The following KCNN3 variants were observed in gnomAD, a reference collection of about 807,000 sequenced individuals.
KCNN3 encodes potassium calcium-activated channel subfamily N member 3, also known as small conductance calcium-activated potassium channel protein 3.
Under a neutral mutation model 62.9 loss-of-function variants are expected in KCNN3, and 16 were observed. That is an observed-to-expected ratio of 0.25 (90% CI 0.17 to 0.39). The LOEUF is 0.39. Among genes scored for constraint, KCNN3 ranks in the 10% least tolerant of loss-of-function variants. The pLI, the probability that KCNN3 is intolerant of heterozygous loss-of-function variation, is 1.00. For missense variants in KCNN3, 599 were observed against 949.4 expected (o/e 0.63, Z 4.85); for synonymous variants, 370 against 389.2 (o/e 0.95, Z 0.58).
chr1:154,859,422 G>A (rs547690498), intron 1 of KCNN3, among the ~76,000 whole-genome samples: 1 of 152,344 alleles, frequency 6.6e-6, no homozygotes, highest in East Asian at 1.9e-4. Flanking sequence ...CCACTAGCAA[G>A]TGTCATCCTC....
chr1:154,725,153 A>G (rs1274384684), intron 5 of KCNN3, among the ~76,000 whole-genome samples: 3 of 152,132 alleles, frequency 2.0e-5, no homozygotes, highest in Non-Finnish European at 4.4e-5. Flanking sequence ...CGCTCCCAGC[A>G]TAGAATGATT....
rs1653097149 is a variant in KCNN3, at chr1:154,869,705, T to C, written c.260A>G (p.Gln87Arg). 2 of 1,514,706 alleles carry C rather than the reference T, an allele frequency of 1.3e-6. No homozygotes were observed. The highest frequency in any genetic ancestry group is 2.4e-5 in the South Asian group (2 of 84,602). The allele number at this position is 1,514,706 out of a possible 1,614,324, so 93.8% of individuals were successfully genotyped here. A position where few individuals can be genotyped will look rare whatever the true frequency, so the allele number is the denominator to read the frequency against. ...QQQQPPHPLS[Q>R]LAQLQSQPVH... Reference sequence around the variant, plus strand: ...GGGCTGGCTCTGGAGTTGGGCGAGCTGAGACAGGGGATGCGGTGGCTGCTG... The same window carrying C: ...GGGCTGGCTCTGGAGTTGGGCGAGCCGAGACAGGGGATGCGGTGGCTGCTG... Residue 87 changes from glutamine to arginine, a missense_variant, in exon 1 of 8, where the codon CAG becomes CGG. This residue lies in a region of KCNN3 where 112 missense variants were observed against 142.9 expected (regional missense o/e 0.78). Coordinates refer to ENST00000271915, the MANE Select transcript of KCNN3 (RefSeq NM_002249.6). This position sits in a 1 kb window ranked among gnomAD's most constrained non-coding sequence, Gnocchi z 6.1.
intron 5 of KCNN3, among the ~76,000 whole-genome samples, chr1:154,721,231 C>T (rs183895303): frequency 1.4e-4 from 21 of 151,864 alleles, no homozygotes; most frequent in South Asian, 4.2e-4. Flanking sequence ...AAAATATCTC[C>T]GGTCCATGGT....
intron 2 of KCNN3, among the ~76,000 whole-genome samples, chr1:154,802,606 T>C (rs1650005655): frequency 6.6e-6 from 1 of 152,144 alleles, no homozygotes; most frequent in South Asian, 2.1e-4. Context: ...TACTCAGTCA[T>C]GGTTTAGGAA....
chr1:154,777,191 C>A (rs1000752718), intron 2 of KCNN3, among the ~76,000 whole-genome samples: 118 of 152,208 alleles, frequency 7.8e-4, no homozygotes, highest in African/African-American at 2.6e-3. Flanking sequence ...CTCTAAGAAG[C>A]CATAATTCTG....
chr1:154,717,550 ATT>A (rs199765246), intron 5 of KCNN3, among the ~76,000 whole-genome samples: 21 of 147,902 alleles, frequency 1.4e-4, no homozygotes, highest in African/African-American at 2.2e-4. Context: ...AGAGCACTGG[ATT>A]TTTTTTTTTT....
chr1:154,737,153 A>G (rs1700728342), intron 3 of KCNN3: 4 of 455,646 alleles, frequency 8.8e-6, no homozygotes, highest in Non-Finnish European at 4.3e-6. Flanking sequence ...AGCGGTTTAC[A>G]CATGTCACAA....
intron 1 of KCNN3, among the ~76,000 whole-genome samples, chr1:154,848,933 A>G (rs2101920752): frequency 6.6e-6 from 1 of 152,298 alleles, no homozygotes; most frequent in South Asian, 2.1e-4. Context: ...CCCCGGGGCC[A>G]GTGCCTGCCA....
intron 1 of KCNN3, among the ~76,000 whole-genome samples, chr1:154,865,136 G>A (rs1356224125): frequency 1.3e-5 from 2 of 152,040 alleles, no homozygotes; most frequent in South Asian, 2.1e-4. Context: ...CTGAACCCAG[G>A]GAAGAGAGCA....
intron 2 of KCNN3, among the ~76,000 whole-genome samples, chr1:154,816,004 G>A (rs917986019): frequency 6.6e-6 from 1 of 152,208 alleles, no homozygotes; most frequent in Non-Finnish European, 1.5e-5. Flanking sequence ...GAGCAATTAT[G>A]CCACAGGAAG....
intron 3 of KCNN3, among the ~76,000 whole-genome samples, chr1:154,768,999 G>A (rs1648425668): frequency 6.6e-6 from 1 of 152,110 alleles, no homozygotes; most frequent in Non-Finnish European, 1.5e-5. Flanking sequence ...GAAGTTCAGA[G>A]TCAGAAACCA....
intron 2 of KCNN3, among the ~76,000 whole-genome samples, chr1:154,773,939 C>G (rs1648680075): frequency 6.6e-6 from 1 of 152,214 alleles, no homozygotes. Context: ...ACTGTGCTCT[C>G]AGACAGTGCA....
At chr1:154,764,770 G>C (rs896869211) in intron 3 of KCNN3, among the ~76,000 whole-genome samples, 10 of 152,066 alleles carry the variant, frequency 6.6e-5, no homozygotes, top group African/African-American at 2.4e-4. Flanking sequence ...TTTGACATTA[G>C]AATTTGGAGT....
At chr1:154,762,636 G>A (rs1197611089) in intron 3 of KCNN3, among the ~76,000 whole-genome samples, 1 of 151,982 alleles carries the variant, frequency 6.6e-6, no homozygotes, top group East Asian at 1.9e-4. Context: ...ATTTTTTGAG[G>A]GACTGAAATC....
At chr1:154,781,500 G>A (rs946918068) in intron 2 of KCNN3, among the ~76,000 whole-genome samples, 9 of 152,184 alleles carry the variant, frequency 5.9e-5, no homozygotes, top group African/African-American at 2.2e-4. Context: ...TAGTTGAAAG[G>A]GTAGAGAAGA....
chr1:154,805,345 C>T (rs1456987417), intron 2 of KCNN3, among the ~76,000 whole-genome samples: 1 of 152,174 alleles, frequency 6.6e-6, no homozygotes, highest in African/African-American at 2.4e-5. Context: ...GGAAAAATCG[C>T]CTCTATTCAA....
intron 7 of KCNN3, among the ~76,000 whole-genome samples, chr1:154,712,407 G>A (rs918682608): frequency 6.6e-6 from 1 of 152,090 alleles, no homozygotes; most frequent in Admixed American, 6.5e-5. Context: ...CGCGGGCCTG[G>A]AGGCTTCTCC....
chr1:154,744,356 A>G (rs990777008), intron 3 of KCNN3, among the ~76,000 whole-genome samples: 2 of 152,334 alleles, frequency 1.3e-5, no homozygotes, highest in East Asian at 3.9e-4. Flanking sequence ...AACTGACCTA[A>G]CTAACTTCTC....
chr1:154,754,914 C>T (rs1571241395), intron 3 of KCNN3, among the ~76,000 whole-genome samples: 1 of 152,238 alleles, frequency 6.6e-6, no homozygotes, highest in Non-Finnish European at 1.5e-5. Context: ...TTAGGGGCAA[C>T]ATGATGAGTT....
Sources: gnomAD v4.1 joint callset for allele counts (sites outside exome capture counted in the v4.1 genomes callset) on GRCh38, gnomAD v4.1.1 for gene constraint, gnomAD v4.1.1 regional missense constraint, Gnocchi (gnomAD v3.1) non-coding constraint, MANE v1.5 for transcripts, NCBI Gene and HGNC (gene_info 2026-07-23, HGNC 2026-07-21) for gene names.